PITPNC1: variants seen among roughly 807,000 people sequenced by gnomAD.
The protein encoded by PITPNC1 is phosphatidylinositol transfer protein cytoplasmic 1.
Under a neutral mutation model 44.7 loss-of-function variants are expected in PITPNC1, and 18 were observed. The observed-to-expected ratio is 0.40, with a 90% CI of 0.28 to 0.60. The LOEUF (loss-of-function observed/expected upper bound fraction) is 0.60, where lower values mean the gene tolerates loss of function less well. PITPNC1 is among the 20% of genes least tolerant of loss of function. The pLI, the probability that PITPNC1 is intolerant of heterozygous loss-of-function variation, is 0.39. For synonymous variants in PITPNC1, 141 were observed against 149.6 expected, an observed-to-expected ratio of 0.94 and a Z score of 0.42; for missense variants, 290 against 418.4, an observed-to-expected ratio of 0.69 and a Z score of 2.68.
intron 2 of PITPNC1, among the ~76,000 whole-genome samples, chr17:67,534,359 A>G (rs1180089287): frequency 6.6e-6 from 1 of 152,120 alleles, no homozygotes; most frequent in Admixed American, 6.6e-5. Flanking sequence ...TCTTATTGGC[A>G]AAGTGTGGTG....
intron 5 of PITPNC1, among the ~76,000 whole-genome samples, chr17:67,605,702 T>C (rs1460183780): frequency 1.3e-5 from 2 of 152,206 alleles, no homozygotes; most frequent in African/African-American, 4.8e-5. Context: ...GAAGATGCTC[T>C]TAGAACCAGT....
intron 6 of PITPNC1, among the ~76,000 whole-genome samples, chr17:67,642,830 A>G (rs1347400115): frequency 6.6e-6 from 1 of 152,132 alleles, no homozygotes; most frequent in African/African-American, 2.4e-5. Flanking sequence ...CATCCTAGAG[A>G]AAGAGTTTTC....
At chr17:67,623,473 G>A (rs1342538040) in intron 5 of PITPNC1, among the ~76,000 whole-genome samples, 1 of 152,030 alleles carries the variant, frequency 6.6e-6, no homozygotes, top group African/African-American at 2.4e-5. Flanking sequence ...TCCACCTCCC[G>A]GGTTCAAACG....
intron 1 of PITPNC1, among the ~76,000 whole-genome samples, chr17:67,420,373 TTCCTCCCTC>T (rs1291261091): frequency 8.4e-4 from 1 of 1,196 alleles, no homozygotes; most frequent in Non-Finnish European, 1.4e-3. Context: ...CCTTCCTTCC[TTCCTCCCTC>T]CCCTCCCTCC....
chr17:67,559,012 A>G (rs11654083), intron 4 of PITPNC1, among the ~76,000 whole-genome samples: 32,019 of 152,018 alleles, frequency 0.21, 4,132 homozygotes, highest in South Asian at 0.32. Context: ...AGAATGAGGT[A>G]TGTTTCTGAA....
At chr17:67,561,982 G>A (rs1472032314) in intron 4 of PITPNC1, among the ~76,000 whole-genome samples, 2 of 152,146 alleles carry the variant, frequency 1.3e-5, no homozygotes, top group East Asian at 3.8e-4. Flanking sequence ...ATAGTATGTA[G>A]ATATCAGTAT....
chr17:67,565,609 C>T (rs61408685), intron 4 of PITPNC1, among the ~76,000 whole-genome samples: 3,910 of 3,912 alleles, frequency 1, 1,955 homozygotes, highest in Non-Finnish European at 1. Context: ...CCCATGTTTT[C>T]CAGTGTGTAT....
chr17:67,511,863 C>A (rs2040188648), intron 1 of PITPNC1, among the ~76,000 whole-genome samples: 1 of 152,162 alleles, frequency 6.6e-6, no homozygotes, highest in African/African-American at 2.4e-5. Flanking sequence ...TTTTAGTTTA[C>A]ATTTTAAACA....
In PITPNC1 at chr17:67,693,290, ACT is replaced by A. The variant is rs2042961163; in HGVS notation, c.*406_*407del. The stretch of plus-strand genomic sequence containing the variant: ...CATCAAATCTAAAATTCTCCAAAAT[ACT>A]CTCAGGCATAACATACTTAGCTGTT... On this transcript the variant is annotated 3_prime_UTR_variant, in exon 9 of 9. Coordinates refer to ENST00000581322, the MANE Select transcript of PITPNC1 (RefSeq NM_012417.4). 2 of 160,982 alleles carry A rather than the reference ACT, an allele frequency of 1.2e-5. No homozygotes were observed. Among genetic ancestry groups the A allele is most frequent in the South Asian group, 4.0e-4 (2 of 4,994 alleles). The allele number at this position is 160,982 out of a possible 1,614,324, so 10.0% of individuals were successfully genotyped here.
chr17:67,678,976 G>T (rs955421544), intron 8 of PITPNC1, among the ~76,000 whole-genome samples: 11 of 152,226 alleles, frequency 7.2e-5, no homozygotes, highest in African/African-American at 2.7e-4. Flanking sequence ...TAGGGTACTT[G>T]TTAGAAATGC....
intron 1 of PITPNC1, among the ~76,000 whole-genome samples, chr17:67,444,765 C>T (rs2039070257): frequency 6.6e-6 from 1 of 151,944 alleles, no homozygotes; most frequent in Non-Finnish European, 1.5e-5. Flanking sequence ...AGCGTGGTGG[C>T]ATGTGCCTGT....
At chr17:67,628,227 T>C (rs905510354) in intron 5 of PITPNC1, among the ~76,000 whole-genome samples, 28 of 152,112 alleles carry the variant, frequency 1.8e-4, no homozygotes, top group African/African-American at 6.3e-4. Context: ...TTCTTTCTTT[T>C]GCAGCACATA....
At chr17:67,476,114 A>T (rs1334911874) in intron 1 of PITPNC1, among the ~76,000 whole-genome samples, 1 of 152,190 alleles carries the variant, frequency 6.6e-6, no homozygotes, top group African/African-American at 2.4e-5. Context: ...TCTTGATACC[A>T]ATCCATTTAT....
At chr17:67,490,883 C>T (rs1051742067) in intron 1 of PITPNC1, among the ~76,000 whole-genome samples, 3 of 152,166 alleles carry the variant, frequency 2.0e-5, no homozygotes, top group African/African-American at 4.8e-5. Context: ...CATTTCTTCT[C>T]GGGATTCTTT....
intron 1 of PITPNC1, among the ~76,000 whole-genome samples, chr17:67,382,845 C>G (rs2037984149): frequency 6.6e-6 from 1 of 151,742 alleles, no homozygotes; most frequent in Non-Finnish European, 1.5e-5. Flanking sequence ...AGGCTTGTCT[C>G]GAACTCCTGA....
At chr17:67,470,110 A>G (rs551420981) in intron 1 of PITPNC1, among the ~76,000 whole-genome samples, 74 of 152,150 alleles carry the variant, frequency 4.9e-4, no homozygotes, top group Admixed American at 4.2e-3. Context: ...TTTAGTAGAG[A>G]TGGGGTTTCA....
rs1439080216 is a variant in PITPNC1 at position 67,695,386 on chromosome 17, T to C, written c.*2498T>C. On this transcript the variant is annotated 3_prime_UTR_variant, in exon 9 of 9. Coordinates refer to ENST00000581322, the MANE Select transcript of PITPNC1 (RefSeq NM_012417.4). ...ACATTCTCTATACATGACTTTGTTA[T>C]TGTGGAATACAAGCCTGCAATGGAT... 1.3e-5 allele frequency: 2 copies of C among 152,014 alleles called. No individual in the cohort carries two copies. The highest frequency in any genetic ancestry group is 2.9e-5 in the Non-Finnish European group (2 of 68,012). The allele number at this position is 152,014 out of a possible 1,614,324, so 9.4% of individuals were successfully genotyped here.
chr17:67,559,720 C>T (rs1294025758), intron 4 of PITPNC1, among the ~76,000 whole-genome samples: 2 of 152,050 alleles, frequency 1.3e-5, no homozygotes, highest in African/African-American at 2.4e-5. Context: ...AACCTTGTCT[C>T]GACTAAAAAT....
chr17:67,519,171 GTTTTTTTTT>G, intron 1 of PITPNC1, among the ~76,000 whole-genome samples: 1 of 78,754 alleles, frequency 1.3e-5, no homozygotes, highest in South Asian at 4.9e-4. Context: ...GCAGCATTCT[GTTTTTTTTT>G]TTTTTTTTTT....
Sources: gnomAD v4.1 joint callset for allele counts (sites outside exome capture counted in the v4.1 genomes callset) on GRCh38, gnomAD v4.1.1 for gene constraint, MANE v1.5 for transcripts, NCBI Gene and HGNC (gene_info 2026-07-23, HGNC 2026-07-21) for gene names.